ADGRL2: variants seen among roughly 807,000 people sequenced by gnomAD.
ADGRL2 encodes calcium-independent alpha-latrotoxin receptor 2.
Under a neutral mutation model 157.4 loss-of-function variants are expected in ADGRL2, and 44 were observed. The observed-to-expected ratio is 0.28, with a 90% CI of 0.22 to 0.36. The LOEUF is 0.36. Among genes scored for constraint, ADGRL2 ranks in the 10% least tolerant of loss-of-function variants. The pLI, the probability that ADGRL2 is intolerant of heterozygous loss-of-function variation, is 1.00. For missense variants in ADGRL2, 1,510 were observed against 1,768.9 expected, an observed-to-expected ratio of 0.85 and a Z score of 2.63; for synonymous variants, 585 against 624.7, an observed-to-expected ratio of 0.94 and a Z score of 0.95.
At chr1:81,630,119 C>T (rs1557519979) in intron 3 of ADGRL2, among the ~76,000 whole-genome samples, 7 of 151,692 alleles carry the variant, frequency 4.6e-5, no homozygotes, top group Non-Finnish European at 1.5e-5. Flanking sequence ...GGACAAATTT[C>T]CTAGAAGCAG....
intron 1 of ADGRL2, among the ~76,000 whole-genome samples, chr1:81,429,176 T>G (rs1183766934): frequency 6.6e-6 from 1 of 151,820 alleles, no homozygotes; most frequent in East Asian, 1.9e-4. Flanking sequence ...TTGTTAGTAG[T>G]AAGATTTGTT....
At chr1:81,486,827 G>C (rs2078513658) in intron 2 of ADGRL2, among the ~76,000 whole-genome samples, 1 of 152,098 alleles carries the variant, frequency 6.6e-6, no homozygotes, top group African/African-American at 2.4e-5. Flanking sequence ...ATTTGTGATT[G>C]ATTCATCAGG....
intron 2 of ADGRL2, among the ~76,000 whole-genome samples, chr1:81,838,881 T>G (rs912476578): frequency 6.6e-6 from 1 of 152,056 alleles, no homozygotes; most frequent in African/African-American, 2.4e-5. Context: ...GTATTGCTTC[T>G]GAAGCACTTC....
At chr1:81,467,517 G>A (rs1312150192) in intron 2 of ADGRL2, among the ~76,000 whole-genome samples, 3 of 152,152 alleles carry the variant, frequency 2.0e-5, no homozygotes, top group Non-Finnish European at 4.4e-5. Flanking sequence ...TACCTTAGCC[G>A]GTTTTAGCTG....
At chr1:81,795,231 T>A (rs1347530521) in intron 2 of ADGRL2, among the ~76,000 whole-genome samples, 1 of 151,834 alleles carries the variant, frequency 6.6e-6, no homozygotes, top group Non-Finnish European at 1.5e-5. Context: ...ATAAAAAAAA[T>A]TAGCCAGGTG....
intron 2 of ADGRL2, among the ~76,000 whole-genome samples, chr1:81,790,259 G>A (rs1038191549): frequency 2.0e-5 from 3 of 151,312 alleles, no homozygotes; most frequent in African/African-American, 4.9e-5. Flanking sequence ...TCTAATGCAC[G>A]CACACACACA....
chr1:81,763,000 C>T (rs561251155), intron 2 of ADGRL2, among the ~76,000 whole-genome samples: 7 of 136,440 alleles, frequency 5.1e-5, no homozygotes, highest in South Asian at 2.3e-4. Flanking sequence ...TGCAGTGGGC[C>T]GAGTGCCACT....
chr1:81,623,963 C>T (rs1408405123), intron 3 of ADGRL2, among the ~76,000 whole-genome samples: 3 of 152,010 alleles, frequency 2.0e-5, no homozygotes, highest in Non-Finnish European at 4.4e-5. Context: ...GGACTGATAT[C>T]TTCCTAAGAT....
At chr1:81,716,230 A>G (rs539732981) in intron 1 of ADGRL2, among the ~76,000 whole-genome samples, 37 of 152,162 alleles carry the variant, frequency 2.4e-4, no homozygotes, top group Non-Finnish European at 4.6e-4. Flanking sequence ...GGAAAAAGCA[A>G]AGTCCCTGCA....
intron 2 of ADGRL2, among the ~76,000 whole-genome samples, chr1:81,893,929 A>G (rs2094325512): frequency 6.6e-6 from 1 of 152,202 alleles, no homozygotes; most frequent in Non-Finnish European, 1.5e-5. Context: ...CAAAAATGGT[A>G]ACACTGAAAC....
chr1:81,461,958 G>C (rs149403621), intron 2 of ADGRL2, among the ~76,000 whole-genome samples: 1 of 148,214 alleles, frequency 6.7e-6, no homozygotes, highest in Non-Finnish European at 1.5e-5. Context: ...GAGAAAGAGA[G>C]AGACAAAGGA....
chr1:81,836,528 A>G (rs1438044594), intron 1 of ADGRL2, among the ~76,000 whole-genome samples: 3 of 152,088 alleles, frequency 2.0e-5, no homozygotes, highest in Non-Finnish European at 4.4e-5. Context: ...GTTTTTGTAC[A>G]CTCTGCAGTT....
At chr1:81,733,557 G>C (rs2084796547) in intron 1 of ADGRL2, among the ~76,000 whole-genome samples, 1 of 152,242 alleles carries the variant, frequency 6.6e-6, no homozygotes, top group Middle Eastern at 3.4e-3. Context: ...CACCCTCACG[G>C]CCTCATTTTA....
intron 2 of ADGRL2, among the ~76,000 whole-genome samples, chr1:81,556,017 C>A (rs1371987402): frequency 1.3e-5 from 2 of 151,740 alleles, no homozygotes; most frequent in African/African-American, 4.8e-5. Context: ...AAGTAAACAC[C>A]ACACAAAATA....
chr1:81,605,954 T>G (rs2081423684), intron 3 of ADGRL2, among the ~76,000 whole-genome samples: 1 of 152,212 alleles, frequency 6.6e-6, no homozygotes, highest in Admixed American at 6.5e-5. Context: ...GAAGCTTTCC[T>G]TATCCCAACC....
intron 23 of ADGRL2, chr1:81,990,129 G>A (rs1664286387): frequency 5.1e-6 from 5 of 985,140 alleles, no homozygotes; most frequent in South Asian, 4.7e-5. Context: ...AATCAGTACT[G>A]TCTCCTGAAA....
intron 11 of ADGRL2, among the ~76,000 whole-genome samples, chr1:81,962,896 T>G (rs1405175032): frequency 2.6e-5 from 4 of 152,158 alleles, no homozygotes; most frequent in African/African-American, 9.6e-5. Flanking sequence ...CTGCTTTGGC[T>G]GCTTTTTGGC....
chr1:81,683,309 TC>T (rs2148961686), intron 3 of ADGRL2, among the ~76,000 whole-genome samples: 1 of 152,330 alleles, frequency 6.6e-6, no homozygotes, highest in African/African-American at 2.4e-5. Flanking sequence ...CTATTTTTTT[TC>T]CATAAGTTAT....
Position 81,991,271 on chromosome 1 carries a change from A to T in ADGRL2, c.*126A>T, listed in dbSNP as rs555736453. 39 of 866,182 alleles carry T rather than the reference A, an allele frequency of 4.5e-5. No individual in the cohort carries two copies. In the South Asian group the frequency reaches 7.3e-4, roughly 16 times the overall value. The allele number at this position is 866,182 out of a possible 1,614,324, so 53.7% of individuals were successfully genotyped here. On this transcript the variant is annotated 3_prime_UTR_variant, in exon 24 of 24. Transcript: ENST00000686636. ...TCTTGACCTGTGGTTCTCTGGTGTA[A>T]AAAAGATGACTGAACCTTGCAGTTC...
Sources: gnomAD v4.1 joint callset for allele counts (sites outside exome capture counted in the v4.1 genomes callset) on GRCh38, gnomAD v4.1.1 for gene constraint, MANE v1.5 for transcripts, NCBI Gene and HGNC (gene_info 2026-07-23, HGNC 2026-07-21) for gene names.